The following TMEM132D variants were observed in gnomAD, a reference collection of about 807,000 sequenced individuals.
The protein encoded by TMEM132D is mature OL transmembrane protein.
Under a neutral mutation model 62.3 loss-of-function variants are expected in TMEM132D, and 21 were observed. The ratio of observed to expected loss-of-function variants is 0.34; its 90% CI spans 0.24 to 0.49. The LOEUF (loss-of-function observed/expected upper bound fraction) is 0.49. Ranked by LOEUF, TMEM132D falls within the 20% of genes least tolerant of loss-of-function variation. The pLI, the probability that TMEM132D is intolerant of heterozygous loss-of-function variation, is 0.99. For missense variants in TMEM132D, 1,346 were observed against 1,402.8 expected, an observed-to-expected ratio of 0.96 and a Z score of 0.65; for synonymous variants, 621 against 575.6, an observed-to-expected ratio of 1.08 and a Z score of -1.13.
At chr12:129,780,181 GT>G (rs1240692434) in intron 1 of TMEM132D, among the ~76,000 whole-genome samples, 1 of 152,096 alleles carries the variant, frequency 6.6e-6, no homozygotes, top group Non-Finnish European at 1.5e-5. Flanking sequence ...TGCCTTTGAG[GT>G]TTCTCACTTG....
chr12:129,668,734 A>C (rs138675885), intron 2 of TMEM132D, among the ~76,000 whole-genome samples: 2,243 of 152,300 alleles, frequency 0.015, 47 homozygotes, highest in African/African-American at 0.05. Flanking sequence ...AATTTATGGC[A>C]GTATAGTTAA....
At chr12:129,181,210 C>T (rs1593287713) in intron 5 of TMEM132D, among the ~76,000 whole-genome samples, 1 of 152,192 alleles carries the variant, frequency 6.6e-6, no homozygotes, top group Non-Finnish European at 1.5e-5. Context: ...GTTCTCCATC[C>T]TGTCTCCTGA....
chr12:129,866,178 T>C (rs1028727785), intron 1 of TMEM132D, among the ~76,000 whole-genome samples: 1 of 152,112 alleles, frequency 6.6e-6, no homozygotes, highest in African/African-American at 2.4e-5. Context: ...CACAATGAGA[T>C]ATTACCTCAC....
chr12:129,852,570 A>T (rs184449093), intron 1 of TMEM132D: 4 of 152,336 alleles, frequency 2.6e-5, no homozygotes, highest in East Asian at 3.9e-4. Context: ...AAATAAAAAA[A>T]AACAATGTAC....
intron 3 of TMEM132D, among the ~76,000 whole-genome samples, chr12:129,409,571 A>C (rs1381339479): frequency 6.6e-6 from 1 of 152,204 alleles, no homozygotes; most frequent in East Asian, 1.9e-4. Context: ...TCATTCGTGT[A>C]AATTATGAAT....
chr12:129,764,197 G>A (rs746356445), intron 1 of TMEM132D, among the ~76,000 whole-genome samples: 2 of 152,146 alleles, frequency 1.3e-5, no homozygotes, highest in African/African-American at 2.4e-5. Flanking sequence ...CTGTGGTAAT[G>A]TCATCATATT....
At chr12:129,231,120 C>T (rs1219844805) in intron 4 of TMEM132D, among the ~76,000 whole-genome samples, 1 of 152,198 alleles carries the variant, frequency 6.6e-6, no homozygotes, top group East Asian at 1.9e-4. Context: ...CAGAATATAA[C>T]CTTTAGAAGG....
intron 3 of TMEM132D, among the ~76,000 whole-genome samples, chr12:129,473,336 T>TTTTTG (rs1874157477): frequency 2.2e-5 from 3 of 139,298 alleles, no homozygotes; most frequent in African/African-American, 7.9e-5. Flanking sequence ...TTTTTTTTTT[T>TTTTTG]TTTTTTTTTT....
chr12:129,596,293 GA>G (rs996957336), intron 2 of TMEM132D, among the ~76,000 whole-genome samples: 6 of 152,220 alleles, frequency 3.9e-5, no homozygotes, highest in Non-Finnish European at 7.3e-5. Flanking sequence ...GACCCAGGCA[GA>G]TGAAAGGAGG....
At chr12:129,077,605 A>G (rs2135609205) in intron 8 of TMEM132D, among the ~76,000 whole-genome samples, 2 of 152,218 alleles carry the variant, frequency 1.3e-5, no homozygotes, top group Middle Eastern at 3.4e-3. Flanking sequence ...CCTATACAAC[A>G]CAAGCATACA....
chr12:129,674,666 A>G (rs1488946235), intron 2 of TMEM132D, among the ~76,000 whole-genome samples: 1 of 152,022 alleles, frequency 6.6e-6, no homozygotes, highest in Non-Finnish European at 1.5e-5. Context: ...CAGCCTCCCA[A>G]GTAGCTGGGA....
Position 129,371,705 on chromosome 12 carries a change from A to AGTGATG in TMEM132D, c.1116-33894_1116-33889dup, listed in dbSNP as rs1870609360. ...ATGGTGACAATGATGATGTGATGAT[A>AGTGATG]GTGATGGTGATGATGATGGGGTGTT... On this transcript the variant is annotated intron_variant, in intron 3 of 8. Coordinates refer to ENST00000422113, the MANE Select transcript of TMEM132D (RefSeq NM_133448.3). The surrounding 1 kb of genome is among the most constrained non-coding windows in gnomAD (Gnocchi z 4.3). 6.6e-6 allele frequency among the ~76,000 whole-genome samples: 1 copy of AGTGATG among 151,792 alleles called. No individual in the cohort carries two copies.
chr12:129,217,316 C>A (rs556696455), intron 4 of TMEM132D, among the ~76,000 whole-genome samples: 1 of 152,278 alleles, frequency 6.6e-6, no homozygotes, highest in Non-Finnish European at 1.5e-5. Flanking sequence ...AAACAACATA[C>A]CACATGTTCT....
intron 3 of TMEM132D, among the ~76,000 whole-genome samples, chr12:129,500,597 C>G (rs1408706058): frequency 6.6e-6 from 1 of 152,164 alleles, no homozygotes; most frequent in African/African-American, 2.4e-5. Flanking sequence ...TATTTACGTC[C>G]CTCGTTCAAC....
intron 4 of TMEM132D, among the ~76,000 whole-genome samples, 193 bp downstream of exon 4, chr12:129,337,441 G>GCACACACACACACACACACA (rs34583805): frequency 6.3e-4 from 93 of 148,220 alleles, no homozygotes; most frequent in East Asian, 1.4e-3. Context: ...ATACACACAC[G>GCACACACACACACACACACA]CACACACACA....
intron 3 of TMEM132D, among the ~76,000 whole-genome samples, chr12:129,400,406 T>A (rs2135699952): frequency 6.6e-6 from 1 of 152,254 alleles, no homozygotes; most frequent in Non-Finnish European, 1.5e-5. Context: ...TTTGTTTTGT[T>A]TTAGGCTTTT....
intron 3 of TMEM132D, among the ~76,000 whole-genome samples, chr12:129,511,385 A>G (rs1212407457): frequency 6.6e-6 from 1 of 152,188 alleles, no homozygotes; most frequent in African/African-American, 2.4e-5. Context: ...TTATCTTTGA[A>G]TCTTATTCCA....
At chr12:129,244,394 A>AAAAAAAAAC (rs1566009839) in intron 4 of TMEM132D, among the ~76,000 whole-genome samples, 2 of 45,420 alleles carry the variant, frequency 4.4e-5, no homozygotes, top group African/African-American at 6.3e-5. Flanking sequence ...TCAAAAAAAA[A>AAAAAAAAAC]AAAAAAAAAA....
At chr12:129,396,458 C>A (rs1487793195) in intron 3 of TMEM132D, among the ~76,000 whole-genome samples, 1 of 152,180 alleles carries the variant, frequency 6.6e-6, no homozygotes, top group Non-Finnish European at 1.5e-5. Flanking sequence ...AAAGTCACAT[C>A]CATAAGAGAA....
Sources: allele counts gnomAD v4.1 joint callset (sites outside exome capture counted in the v4.1 genomes callset), GRCh38; gene constraint gnomAD v4.1.1; non-coding constraint Gnocchi (gnomAD v3.1); transcripts MANE v1.5; gene names NCBI Gene and HGNC (gene_info 2026-07-23, HGNC 2026-07-21).